Variants in SAMD5 observed in about 807,000 individuals in gnomAD.
The protein encoded by SAMD5 is sterile alpha motif domain containing 5.
A neutral mutation model predicts 11.3 loss-of-function variants in SAMD5; 13 were observed. That is an observed-to-expected ratio of 1.15 (90% CI 0.75 to 1.83). The LOEUF (loss-of-function observed/expected upper bound fraction) is 1.83. SAMD5 is among the 40% of genes most tolerant of loss of function. The pLI is 0.00. For missense variants in SAMD5, 255 were observed against 239.1 expected (o/e 1.07, Z -0.44); for synonymous variants, 129 against 111.3 (o/e 1.16, Z -1.00).
the SAMD5 span, among the ~76,000 whole-genome samples, chr6:147,839,467 G>A: frequency 6.6e-6 from 1 of 152,166 alleles, no homozygotes; most frequent in Non-Finnish European, 1.5e-5. Flanking sequence ...GTAAAACTTG[G>A]GCCGGGCGCA....
chr6:147,553,289 C>T (rs908697178), intron 1 of SAMD5, among the ~76,000 whole-genome samples: 1 of 152,146 alleles, frequency 6.6e-6, no homozygotes, highest in African/African-American at 2.4e-5. Flanking sequence ...ACTTTGAATC[C>T]AGAGTCTGAG....
the SAMD5 span, among the ~76,000 whole-genome samples, chr6:147,827,015 G>A: frequency 3.3e-5 from 5 of 152,176 alleles, no homozygotes; most frequent in Admixed American, 2.6e-4. Flanking sequence ...GACTTTTAGA[G>A]ACCATGGGGC....
At chr6:147,634,520 C>T (rs139904491) in intron 1 of SAMD5, among the ~76,000 whole-genome samples, 119 of 152,336 alleles carry the variant, frequency 7.8e-4, no homozygotes, top group African/African-American at 2.5e-3. Flanking sequence ...TCAACCATAG[C>T]AAGATCTGTC....
the SAMD5 span, among the ~76,000 whole-genome samples, chr6:147,887,769 G>T: frequency 6.6e-6 from 1 of 152,142 alleles, no homozygotes; most frequent in Non-Finnish European, 1.5e-5. Flanking sequence ...CAAAACTGTT[G>T]TACCATTTTA....
intron 1 of SAMD5, among the ~76,000 whole-genome samples, chr6:147,585,709 A>T (rs1325522263): frequency 6.6e-6 from 1 of 152,156 alleles, no homozygotes; most frequent in Admixed American, 6.6e-5. Context: ...TTTCTTCATC[A>T]TTTAAAAAAG....
chr6:147,703,079 G>GT lies in SAMD5; in HGVS notation c.163-34232dup, dbSNP rs371484257. On this transcript the variant is annotated intron_variant, in intron 1 of 1. Transcript: ENST00000566741. ...ATACTTCGTTTTTTTGTTTTGTTTTGTTTTTTGAGAAGGAGTCTTGCTCTG... is the reference window on the plus strand; with the variant it reads ...ATACTTCGTTTTTTTGTTTTGTTTTGTTTTTTTGAGAAGGAGTCTTGCTCTG... Among the ~76,000 whole-genome samples the GT allele has an allele frequency of 2.0e-3, 305 of 151,876 alleles. 1 individual carries two copies. Among genetic ancestry groups the GT allele is most frequent in the African/African-American group, 6.9e-3 (288 of 41,440 alleles).
rs185049757 is a variant in SAMD5 at position 147,555,511 on chromosome 6, C to T, written c.460-8883C>T. Among the ~76,000 whole-genome samples, 58 of 152,292 alleles carry T rather than the reference C, an allele frequency of 3.8e-4. 2 individuals carry two copies. In the South Asian group the frequency reaches 7.0e-3, roughly 18 times the overall value. Reference sequence around the variant, plus strand: ...CTTGCCCCAGTGAGTTTGATAGTTTCATACTGCCTAAATATTTTTTTTGAT... The same window carrying T: ...CTTGCCCCAGTGAGTTTGATAGTTTTATACTGCCTAAATATTTTTTTTGAT... On this transcript the variant is annotated intron_variant, in intron 1 of 1. Coordinates refer to ENST00000367474, the MANE Select transcript of SAMD5 (RefSeq NM_001030060.3).
At chr6:147,681,585 C>T (rs764576335) in intron 1 of SAMD5, among the ~76,000 whole-genome samples, 3 of 152,016 alleles carry the variant, frequency 2.0e-5, no homozygotes, top group Non-Finnish European at 4.4e-5. Context: ...TCTTTACATG[C>T]CTGGTAAATA....
At chr6:147,880,412 C>T in the SAMD5 span, among the ~76,000 whole-genome samples, 1 of 152,024 alleles carries the variant, frequency 6.6e-6, no homozygotes, top group East Asian at 1.9e-4. Context: ...ACCTCTGCCC[C>T]CTTCTGTACT....
chr6:147,760,232 G>T, the SAMD5 span, among the ~76,000 whole-genome samples: 1 of 152,056 alleles, frequency 6.6e-6, no homozygotes, highest in Non-Finnish European at 1.5e-5. Flanking sequence ...TTAAATGACA[G>T]GTCTCCCTTC....
chr6:147,883,936 T>A, the SAMD5 span, among the ~76,000 whole-genome samples: 1 of 152,220 alleles, frequency 6.6e-6, no homozygotes, highest in Non-Finnish European at 1.5e-5. Flanking sequence ...AGGTTATTGC[T>A]CAAGAATTCA....
intron 1 of SAMD5, among the ~76,000 whole-genome samples, chr6:147,510,836 G>GCCA (rs1788077539): frequency 6.6e-6 from 1 of 152,226 alleles, no homozygotes; most frequent in Non-Finnish European, 1.5e-5. Context: ...CCCACTCTGT[G>GCCA]CCACTGATGT....
At chr6:147,745,218 A>G in the SAMD5 span, among the ~76,000 whole-genome samples, 1 of 152,160 alleles carries the variant, frequency 6.6e-6, no homozygotes, top group African/African-American at 2.4e-5. Flanking sequence ...GAGTGTGACT[A>G]TAGATGAAAT....
At chr6:147,547,486 G>A (rs1435428679) in intron 1 of SAMD5, among the ~76,000 whole-genome samples, 1 of 150,618 alleles carries the variant, frequency 6.6e-6, no homozygotes, top group Non-Finnish European at 1.5e-5. Context: ...CCACTCTCTT[G>A]AGCTGGAGGC....
At chr6:147,697,578 A>G (rs895833925) in intron 1 of SAMD5, among the ~76,000 whole-genome samples, 8 of 152,198 alleles carry the variant, frequency 5.3e-5, no homozygotes, top group African/African-American at 1.9e-4. Flanking sequence ...TTTTTGTTGT[A>G]CTAAATCATG....
the SAMD5 span, among the ~76,000 whole-genome samples, chr6:147,838,542 G>A: frequency 9.9e-5 from 6 of 60,582 alleles, no homozygotes; most frequent in Non-Finnish European, 1.3e-4. Context: ...CCCCCCCCCC[G>A]TAGTTATTGT....
At chr6:147,927,681 G>A in the SAMD5 span, among the ~76,000 whole-genome samples, 5 of 152,100 alleles carry the variant, frequency 3.3e-5, no homozygotes, top group African/African-American at 1.2e-4. Flanking sequence ...TGATTGCTCT[G>A]GCTAGGATTT....
At chr6:147,937,066 A>G in the SAMD5 span, among the ~76,000 whole-genome samples, 2 of 152,172 alleles carry the variant, frequency 1.3e-5, no homozygotes, top group East Asian at 3.9e-4. Context: ...AGATAGAAAT[A>G]CTAGTCATAT....
In SAMD5 at chr6:147,529,409, A is replaced by T. The variant is rs1437171549; in HGVS notation, c.459+20022A>T. Reference sequence around the variant, plus strand: ...TAATCCAAGAGTTCGATGAATACCAATTTAAATGTAATTTAGGTGTATTTA... The same window carrying T: ...TAATCCAAGAGTTCGATGAATACCATTTTAAATGTAATTTAGGTGTATTTA... On this transcript the variant is annotated intron_variant, in intron 1 of 1. Coordinates refer to ENST00000367474, the MANE Select transcript of SAMD5 (RefSeq NM_001030060.3). Among the ~76,000 whole-genome samples, 3 of 152,218 alleles carry T rather than the reference A, an allele frequency of 2.0e-5. No individual in the cohort carries two copies. The South Asian group carries it at 6.2e-4, about 31-fold the overall frequency.
Sources: allele counts gnomAD v4.1 joint callset (sites outside exome capture counted in the v4.1 genomes callset), GRCh38; gene constraint gnomAD v4.1.1; transcripts MANE v1.5; gene names NCBI Gene and HGNC (gene_info 2026-07-23, HGNC 2026-07-21).